Variants in VPS13B observed in about 807,000 individuals in gnomAD.
The protein encoded by VPS13B is vacuolar protein sorting 13 homolog B, also known as intermembrane lipid transfer protein VPS13B.
Under a neutral mutation model 426.4 loss-of-function variants are expected in VPS13B, and 285 were observed. The ratio of observed to expected loss-of-function variants is 0.67; its 90% confidence interval spans 0.61 to 0.74. The LOEUF is 0.74. Among genes scored for constraint, VPS13B ranks in the 30% least tolerant of loss-of-function variants. The pLI, the probability that VPS13B is intolerant of heterozygous loss-of-function variation, is 0.00. For missense variants in VPS13B, 4,537 were observed against 4,782.6 expected, an observed-to-expected ratio of 0.95 and a Z score of 1.51; for synonymous variants, 1,676 against 1,676.4, an observed-to-expected ratio of 1.00 and a Z score of 0.01.
chr8:99,215,268 C>T (rs757376478), intron 17 of VPS13B, among the ~76,000 whole-genome samples: 1 of 152,104 alleles, frequency 6.6e-6, no homozygotes, highest in Non-Finnish European at 1.5e-5. Flanking sequence ...ATAGGGTGTA[C>T]AAACTAGGAG....
At chr8:99,566,445 CTT>C (rs113218273) in intron 31 of VPS13B, among the ~76,000 whole-genome samples, 26 of 145,516 alleles carry the variant, frequency 1.8e-4, no homozygotes, top group African/African-American at 2.3e-4. Flanking sequence ...TTTTCTTCTT[CTT>C]TTTTTTTTTT....
chr8:99,296,646 T>A (rs1233697541), intron 19 of VPS13B, among the ~76,000 whole-genome samples: 1 of 152,206 alleles, frequency 6.6e-6, no homozygotes, highest in African/African-American at 2.4e-5. Flanking sequence ...TAAAACTTAA[T>A]CACCAATGTG....
chr8:99,481,551 C>T lies in VPS13B; in HGVS notation c.3667-48C>T, dbSNP rs769643164. The stretch of plus-strand genomic sequence containing the variant: ...ATATTATTATTTTAGTGGATTGAAA[C>T]TGGAAGTTGAAAGACTTGTTTTCTT... On this transcript the variant is annotated intron_variant, in intron 24 of 61. Transcript: ENST00000357162. The T allele has an allele frequency of 5.7e-6, 9 of 1,576,728 alleles. 1 individual carries two copies. Among genetic ancestry groups the T allele is most frequent in the Non-Finnish European group, 7.8e-6 (9 of 1,151,380 alleles).
Position 99,487,692 on chromosome 8 carries a change from G to A in VPS13B, c.3870+5890G>A, listed in dbSNP as rs555739047. On this transcript the variant is annotated intron_variant, in intron 25 of 61. Coordinates refer to ENST00000357162, the MANE Select transcript of VPS13B (RefSeq NM_152564.5). ...CTAGGTACTTCATATAAGAAGAATC[G>A]TATGGTATTTGTCCTTTTGTGTCTG... is the stretch of plus-strand genomic sequence containing the variant. Among the ~76,000 whole-genome samples the A allele has an allele frequency of 5.3e-5, 8 of 152,148 alleles. No individual in the cohort carries two copies. In the South Asian group the frequency reaches 1.2e-3, roughly 24 times the overall value.
chr8:99,392,100 A>G (rs1263380910), intron 21 of VPS13B, among the ~76,000 whole-genome samples: 4 of 152,186 alleles, frequency 2.6e-5, no homozygotes, highest in Non-Finnish European at 5.9e-5. Context: ...ATATCCTTAA[A>G]AACACAGTAG....
chr8:99,196,386 T>G (rs755802189), intron 17 of VPS13B, among the ~76,000 whole-genome samples: 6 of 152,076 alleles, frequency 3.9e-5, no homozygotes, highest in Non-Finnish European at 5.9e-5. Context: ...TGGTACTGAT[T>G]TTTACATGTT....
intron 3 of VPS13B, among the ~76,000 whole-genome samples, chr8:99,059,029 A>G (rs1380291712): frequency 6.6e-6 from 1 of 152,272 alleles, no homozygotes; most frequent in Non-Finnish European, 1.5e-5. Flanking sequence ...CTTTGAAGGA[A>G]AAGTTGAAAA....
At chr8:99,259,920 C>T (rs990298318) in intron 17 of VPS13B, among the ~76,000 whole-genome samples, 1 of 152,060 alleles carries the variant, frequency 6.6e-6, no homozygotes, top group Non-Finnish European at 1.5e-5. Flanking sequence ...TGGCCAAATT[C>T]AACTTCTGCA....
chr8:99,330,808 C>G (rs1810505039), intron 19 of VPS13B, among the ~76,000 whole-genome samples: 1 of 151,658 alleles, frequency 6.6e-6, no homozygotes. Flanking sequence ...TAGAGACTCT[C>G]CAAGTACCCA....
chr8:99,399,032 G>A (rs1330556433), intron 21 of VPS13B, among the ~76,000 whole-genome samples: 1 of 151,692 alleles, frequency 6.6e-6, no homozygotes, highest in Non-Finnish European at 1.5e-5. Flanking sequence ...AAGCATGAAG[G>A]TAGACACTAT....
At position 99,875,483 on chromosome 8, in the gene VPS13B, G is replaced by A. The variant is rs1195954184; in HGVS notation, c.11811G>A (p.Lys3937=). The A allele has an allele frequency of 6.2e-7, 1 of 1,614,040 alleles. No individual in the cohort carries two copies. Among genetic ancestry groups the A allele is most frequent in the Non-Finnish European group, 8.5e-7 (1 of 1,180,038 alleles). The part of the protein sequence containing the change: ...QYNRLVDYIT[K]TSCHLAPSCS... ...ACAGACTGGTGGACTACATCACAAAGACATCTTGTCACCTGGCCCCCAGCT... is the reference window on the plus strand; with the variant it reads ...ACAGACTGGTGGACTACATCACAAAAACATCTTGTCACCTGGCCCCCAGCT... Residue 3937 remains lysine (K), a synonymous_variant, in exon 62 of 62, where the codon AAG becomes AAA. Transcript: ENST00000357162.
chr8:99,207,028 T>G (rs777019602), intron 17 of VPS13B, among the ~76,000 whole-genome samples: 2 of 152,174 alleles, frequency 1.3e-5, no homozygotes, highest in Non-Finnish European at 2.9e-5. Context: ...TAAATTGGAG[T>G]AAAAAGACAT....
chr8:99,444,755 G>T (rs1310066687), intron 23 of VPS13B, among the ~76,000 whole-genome samples: 1 of 151,976 alleles, frequency 6.6e-6, no homozygotes, highest in Non-Finnish European at 1.5e-5. Flanking sequence ...CTGCCGCCTT[G>T]ACCGCCGGAG....
At chr8:99,434,453 T>C (rs1012006947) in intron 22 of VPS13B, among the ~76,000 whole-genome samples, 2 of 152,342 alleles carry the variant, frequency 1.3e-5, no homozygotes, top group South Asian at 2.1e-4. Context: ...AACAAATGTC[T>C]GTTGTTTTAG....
chr8:99,815,457 G>A (rs1007378993), intron 44 of VPS13B, among the ~76,000 whole-genome samples: 6 of 152,002 alleles, frequency 3.9e-5, no homozygotes, highest in Admixed American at 3.9e-4. Flanking sequence ...GTCTTCATTT[G>A]GTTAGATGAA....
At chr8:99,688,277 G>T (rs1226059688) in intron 35 of VPS13B, among the ~76,000 whole-genome samples, 2 of 151,760 alleles carry the variant, frequency 1.3e-5, no homozygotes, top group Admixed American at 1.3e-4. Flanking sequence ...GTGGAGACTA[G>T]ATTAAATCTA....
At chr8:99,407,838 TTCAGAAG>T (rs1815416047) in intron 21 of VPS13B, among the ~76,000 whole-genome samples, 1 of 152,154 alleles carries the variant, frequency 6.6e-6, no homozygotes, top group Non-Finnish European at 1.5e-5. Context: ...TGTAATAAGA[TTCAGAAG>T]TTGGCATCTG....
rs368704083 is a variant in VPS13B, at chr8:99,059,719, T to C, written c.291+21153T>C. Among the ~76,000 whole-genome samples, 30 of 150,006 alleles carry C rather than the reference T, an allele frequency of 2.0e-4. No individual in the cohort carries two copies. The East Asian group carries it at 3.9e-3, about 20-fold the overall frequency. On this transcript the variant is annotated intron_variant, in intron 3 of 61. Transcript: ENST00000357162. ...TTGGATACTAAACTTTTGTTTTAGG[T>C]TTAGCTTCTGCTTTTTTTTTTTTTT... is the stretch of plus-strand genomic sequence containing the variant.
At chr8:99,424,296 A>G (rs1264804828) in intron 21 of VPS13B, 2 of 151,396 alleles carry the variant, frequency 1.3e-5, no homozygotes, top group Admixed American at 6.6e-5. Flanking sequence ...TTTTGAGCCT[A>G]TGTATGTCTC....
Sources: allele counts gnomAD v4.1 joint callset (sites outside exome capture counted in the v4.1 genomes callset), GRCh38; gene constraint gnomAD v4.1.1; transcripts MANE v1.5; gene names NCBI Gene and HGNC (gene_info 2026-07-23, HGNC 2026-07-21).